POLR2F: variants seen among roughly 807,000 people sequenced by gnomAD.
POLR2F encodes the protein RNA polymerase II, I and III subunit F, also known as DNA-directed RNA polymerases I, II, and III subunit RPABC2.
POLR2F carries 12 observed loss-of-function variants against 22.7 expected under a neutral mutation model. That is an observed-to-expected ratio of 0.53 (90% CI 0.34 to 0.86). POLR2F has a LOEUF of 0.86. POLR2F is among the 40% of genes least tolerant of loss of function. The pLI is 0.02. For synonymous variants in POLR2F, 57 were observed against 66.0 expected (o/e 0.86, Z 0.66); for missense variants, 126 against 171.5 (o/e 0.73, Z 1.48).
downstream of POLR2F, chr22:37,973,816 G>C (rs775757190): frequency 6.3e-7 from 1 of 1,599,894 alleles, no homozygotes; most frequent in South Asian, 1.1e-5. Flanking sequence ...GGGGCCCCGC[G>C]GTCTCTGTCT....
intron 4 of POLR2F, among the ~76,000 whole-genome samples, chr22:37,976,853 T>C (rs905640699): frequency 2.6e-5 from 4 of 152,176 alleles, no homozygotes; most frequent in Non-Finnish European, 5.9e-5. Context: ...AGATAGCTTA[T>C]GTCTGGCCCA....
chr22:37,979,106 T>A (rs993116207), intron 4 of POLR2F, among the ~76,000 whole-genome samples: 1 of 150,040 alleles, frequency 6.7e-6, no homozygotes, highest in African/African-American at 2.5e-5. Flanking sequence ...TTTAATTTTT[T>A]ATTTATTTAG....
downstream of POLR2F, among the ~76,000 whole-genome samples, chr22:38,028,971 G>A (rs985326580): frequency 1.3e-5 from 2 of 152,190 alleles, no homozygotes; most frequent in African/African-American, 4.8e-5. Flanking sequence ...CTTGGCTGGT[G>A]AGCCAGGCCT....
intron 5 of POLR2F, among the ~76,000 whole-genome samples, chr22:38,035,126 C>T (rs571316088): frequency 2.0e-5 from 3 of 152,226 alleles, no homozygotes; most frequent in Admixed American, 1.3e-4. Flanking sequence ...CTGCCATAGC[C>T]ATCTCTCTCT....
chr22:37,967,516 G>A (rs778036129), intron 4 of POLR2F, 109 bp from the exon 5 acceptor site: 3 of 1,517,996 alleles, frequency 2.0e-6, no homozygotes, highest in South Asian at 2.7e-5. Context: ...GCCCCAAGAG[G>A]CTGCTCCTAA....
rs550510526 is a variant in POLR2F at position 37,998,921 on chromosome 22, T to C, written c.120+12609T>C. 2.0e-5 allele frequency among the ~76,000 whole-genome samples: 3 copies of C among 152,006 alleles called. No individual in the cohort carries two copies. In the South Asian group the frequency reaches 6.2e-4, roughly 32 times the overall value. On this transcript the variant is annotated intron_variant, in intron 1 of 2. Transcript: ENST00000333418. ...AGGCAGGGCATTAGGGTCTGGCTGG[T>C]ACAGGAGCCCGCCCTGGTAGGAGGA...
chr22:37,956,401 A>AT (rs71195074), intron 1 of POLR2F, among the ~76,000 whole-genome samples: 4,694 of 143,052 alleles, frequency 0.033, 223 homozygotes, highest in African/African-American at 0.11. Flanking sequence ...CGGCCTCTGA[A>AT]TTTTTTTTTT....
chr22:38,016,155 C>CAGCA lies in POLR2F; in HGVS notation c.121-9713_121-9710dup, dbSNP rs1002884162. Among the ~76,000 whole-genome samples the CAGCA allele has an allele frequency of 2.0e-5, 3 of 152,232 alleles. No homozygotes were observed. The highest frequency in any genetic ancestry group is 4.4e-5 in the Non-Finnish European group (3 of 68,038). ...CACCCCCTGCGTCTGGCCAGGGACT[C>CAGCA]AGCACCCACTGGGGCATCAGCGAAT... is the stretch of plus-strand genomic sequence containing the variant. On this transcript the variant is annotated intron_variant, in intron 1 of 2. Coordinates refer to the POLR2F transcript ENST00000333418. The surrounding 1 kb of genome is among the most constrained non-coding windows in gnomAD (Gnocchi z 4.4).
chr22:38,022,463 A>T (rs1045894407), intron 1 of POLR2F, among the ~76,000 whole-genome samples: 8 of 150,046 alleles, frequency 5.3e-5, no homozygotes, highest in Non-Finnish European at 1.2e-4. Flanking sequence ...AGGTGGGAGA[A>T]TTGCTTGAAC....
rs1245572557 is a variant in POLR2F at position 38,016,064 on chromosome 22, C to T, written c.121-9805C>T. On this transcript the variant is annotated intron_variant, in intron 1 of 2. Coordinates refer to the POLR2F transcript ENST00000333418. This position sits in a 1 kb window ranked among gnomAD's most constrained non-coding sequence, Gnocchi z 4.4. ...CACCAGCAGTGTCAGGCCCACTGCC[C>T]TAGGCTCCTACATACTCATCCTCTA... Among the ~76,000 whole-genome samples the T allele has an allele frequency of 6.6e-6, 1 of 152,150 alleles. No homozygotes were observed. The highest frequency in any genetic ancestry group is 6.6e-5 in the Admixed American group (1 of 15,266).
chr22:38,018,808 C>A (rs1382163548), intron 1 of POLR2F, among the ~76,000 whole-genome samples: 1 of 152,082 alleles, frequency 6.6e-6, no homozygotes, highest in Non-Finnish European at 1.5e-5. Flanking sequence ...AGGAGGGTGT[C>A]CTCTCTCCAG....
At chr22:37,967,440 C>T (rs1176543434) in intron 4 of POLR2F, 185 bp from the exon 5 acceptor site, 1 of 1,433,952 alleles carries the variant, frequency 7.0e-7, no homozygotes, top group African/African-American at 1.4e-5. Flanking sequence ...GTCATTCTTC[C>T]CCCTCTTGTC....
upstream of POLR2F, among the ~76,000 whole-genome samples, chr22:37,981,314 T>C (rs1216022790): frequency 1.3e-5 from 2 of 152,162 alleles, no homozygotes; most frequent in Non-Finnish European, 2.9e-5. Flanking sequence ...AGGACCCCCC[T>C]CCAGGGTCCA....
downstream of POLR2F, among the ~76,000 whole-genome samples, chr22:37,971,980 T>A (rs1373164157): frequency 6.7e-6 from 1 of 150,312 alleles, no homozygotes; most frequent in Non-Finnish European, 1.5e-5. Context: ...CCCACTGGGA[T>A]GCCAGCTGTC....
intron 1 of POLR2F, among the ~76,000 whole-genome samples, chr22:37,991,516 G>A (rs1363376301): frequency 6.6e-6 from 1 of 152,160 alleles, no homozygotes; most frequent in Non-Finnish European, 1.5e-5. Context: ...GTTAAAAACT[G>A]CTCTTTAAAA....
chr22:37,961,114 A>T (rs1340881372), intron 3 of POLR2F, among the ~76,000 whole-genome samples: 2 of 150,138 alleles, frequency 1.3e-5, no homozygotes, highest in Non-Finnish European at 3.0e-5. Context: ...CTCCCAAAGT[A>T]CTGGGAGTAC....
chr22:37,996,001 CA>C (rs879751071), intron 1 of POLR2F, among the ~76,000 whole-genome samples: 6 of 152,026 alleles, frequency 3.9e-5, no homozygotes, highest in Non-Finnish European at 8.8e-5. Context: ...GACCCTGTCT[CA>C]AAAAATAAAG....
chr22:37,974,316 G>A lies in POLR2F; in HGVS notation c.293+7146G>A. The A allele has an allele frequency of 1.4e-6, 1 of 731,466 alleles. No homozygotes were observed. Among genetic ancestry groups the A allele is most frequent in the Non-Finnish European group, 2.3e-6 (1 of 442,494 alleles). 45.3% of individuals were successfully genotyped at this position (731,466 alleles called of 1,614,324 possible). A position where few individuals can be genotyped will look rare whatever the true frequency, so the allele number is the denominator to read the frequency against. On this transcript the variant is annotated intron_variant, in intron 4 of 4. Coordinates refer to the POLR2F transcript ENST00000405557. The surrounding 1 kb of genome is among the most constrained non-coding windows in gnomAD (Gnocchi z 5.4). ...CAGCGGGTGCCTCTGGGAAAACCTTGTAAGTTTCACATTTTGGCAGCATGA... is the reference window on the plus strand; with the variant it reads ...CAGCGGGTGCCTCTGGGAAAACCTTATAAGTTTCACATTTTGGCAGCATGA...
intron 1 of POLR2F, among the ~76,000 whole-genome samples, chr22:38,004,016 G>T (rs575929100): frequency 6.6e-6 from 1 of 152,244 alleles, no homozygotes; most frequent in Non-Finnish European, 1.5e-5. Context: ...TTTAGATGGG[G>T]TGTCGCTGTG....
Sources: allele counts gnomAD v4.1 joint callset (sites outside exome capture counted in the v4.1 genomes callset), GRCh38; gene constraint gnomAD v4.1.1; non-coding constraint Gnocchi (gnomAD v3.1); transcripts MANE v1.5; gene names NCBI Gene and HGNC (gene_info 2026-07-23, HGNC 2026-07-21).